Variants in MALRD1 observed in about 807,000 individuals in gnomAD.
MALRD1 encodes the protein MAM and LDL receptor class A domain containing 1.
MALRD1 carries 247 observed loss-of-function variants against 242.1 expected under a neutral mutation model. The observed-to-expected ratio is 1.02, with a 90% CI of 0.92 to 1.13. The LOEUF (loss-of-function observed/expected upper bound fraction) is 1.13. MALRD1 is among the 50% of genes most tolerant of loss of function. The probability of loss-of-function intolerance (pLI) is 0.00; values close to 1 mark genes in which losing one functional copy is unlikely to be tolerated. For missense variants in MALRD1, 2,989 were observed against 2,533.1 expected, an observed-to-expected ratio of 1.18 and a Z score of -3.86; for synonymous variants, 995 against 866.6, an observed-to-expected ratio of 1.15 and a Z score of -2.60.
Position 19,694,985 on chromosome 10 carries a change from C to T in MALRD1, c.6314+2431C>T, listed in dbSNP as rs147036613. ...ACTACCACAAGGACAAAAAACCAAA[C>T]ACCACATGTTCTCACTCACAGGTGG... On this transcript the variant is annotated intron_variant, in intron 38 of 39. Transcript: ENST00000454679. Among the ~76,000 whole-genome samples, 385 of 152,266 alleles carry T rather than the reference C, an allele frequency of 2.5e-3. 6 individuals are homozygous for T. In the East Asian group the frequency reaches 0.055, roughly 22 times the overall value.
chr10:19,113,990 T>C (rs1273821471), intron 5 of MALRD1, among the ~76,000 whole-genome samples: 1 of 152,204 alleles, frequency 6.6e-6, no homozygotes. Flanking sequence ...ACAAAGAACA[T>C]GTGCAGTTAT....
chr10:19,549,693 A>G (rs1278606573), intron 32 of MALRD1, among the ~76,000 whole-genome samples: 3 of 152,228 alleles, frequency 2.0e-5, no homozygotes, highest in Non-Finnish European at 4.4e-5. Context: ...GACTCATGTT[A>G]TTGCAATATT....
At chr10:19,414,575 T>G (rs1833427524) in intron 28 of MALRD1, among the ~76,000 whole-genome samples, 1 of 152,196 alleles carries the variant, frequency 6.6e-6, no homozygotes, top group South Asian at 2.1e-4. Context: ...ATTGTACAGC[T>G]GTGTCCAGAA....
At chr10:19,270,214 G>A (rs896270617) in intron 19 of MALRD1, among the ~76,000 whole-genome samples, 1 of 152,060 alleles carries the variant, frequency 6.6e-6, no homozygotes, top group Admixed American at 6.5e-5. Context: ...TACTCAGGAC[G>A]CTGAGGCACA....
At chr10:19,213,065 A>G (rs2245456) in intron 18 of MALRD1, among the ~76,000 whole-genome samples, 111,836 of 152,002 alleles carry the variant, frequency 0.74, 41,400 homozygotes, top group South Asian at 0.84. Flanking sequence ...ATTCTTTTGA[A>G]GAGCAGATTC....
intron 18 of MALRD1, among the ~76,000 whole-genome samples, chr10:19,221,326 A>G (rs1837548011): frequency 2.0e-5 from 3 of 152,166 alleles, no homozygotes; most frequent in Non-Finnish European, 4.4e-5. Context: ...TATAAATTAC[A>G]TATACAACTT....
chr10:19,662,529 G>A (rs1004793060), intron 36 of MALRD1, among the ~76,000 whole-genome samples: 5 of 152,050 alleles, frequency 3.3e-5, no homozygotes, highest in African/African-American at 7.2e-5. Context: ...CTCTTAAAAC[G>A]TTATGTATTT....
chr10:19,110,605 G>A (rs570713665), intron 5 of MALRD1, among the ~76,000 whole-genome samples: 1 of 152,228 alleles, frequency 6.6e-6, no homozygotes, highest in African/African-American at 2.4e-5. Flanking sequence ...ATGGCTAACT[G>A]AAGGCAATGC....
chr10:19,495,523 A>C (rs1052593527), intron 30 of MALRD1, among the ~76,000 whole-genome samples: 7 of 152,158 alleles, frequency 4.6e-5, no homozygotes, highest in Admixed American at 3.3e-4. Flanking sequence ...TGAAGGAGAA[A>C]TAACATCCTT....
intron 36 of MALRD1, among the ~76,000 whole-genome samples, chr10:19,663,673 C>T (rs1841543816): frequency 6.6e-6 from 1 of 152,078 alleles, no homozygotes; most frequent in African/African-American, 2.4e-5. Context: ...CACTCAGCTT[C>T]CACAGAGCTC....
Position 19,124,666 on chromosome 10 carries a change from TGAAGGTA to T in MALRD1, c.943_943+6del. ...CTCAGCAGGATCAAGGAGGTGATGA[TGAAGGTA>T]GAAAAAAAAATAATATCTTTTATGT... On this transcript the variant is annotated splice_donor_variant and splice_donor_region_variant and coding_sequence_variant and intron_variant, in exon 7 of 40. Transcript: ENST00000454679. LOFTEE classifies it high-confidence loss of function. 1 of 1,233,632 alleles carries T rather than the reference TGAAGGTA, an allele frequency of 8.1e-7. No individual in the cohort carries two copies. The highest frequency in any genetic ancestry group is 1.5e-5 in the African/African-American group (1 of 64,520). 76.4% of individuals were successfully genotyped at this position (1,233,632 alleles called of 1,614,324 possible). A position where few individuals can be genotyped will look rare whatever the true frequency, so the allele number is the denominator to read the frequency against.
chr10:19,547,648 G>A (rs117344421), intron 32 of MALRD1, among the ~76,000 whole-genome samples: 1 of 149,660 alleles, frequency 6.7e-6, no homozygotes. Flanking sequence ...ATGTGTAATA[G>A]CAATAGTAAT....
intron 31 of MALRD1, among the ~76,000 whole-genome samples, chr10:19,522,650 A>G (rs1833933390): frequency 6.6e-6 from 1 of 152,172 alleles, no homozygotes; most frequent in South Asian, 2.1e-4. Context: ...TATGATCTAC[A>G]TCAATATTTG....
chr10:19,064,769 CAAAAAAAAA>C lies in MALRD1; in HGVS notation c.200-1936_200-1928del, dbSNP rs147678284. Reference sequence around the variant, plus strand: ...TGGGCGACAGAAAGAAACTCTGTCTCAAAAAAAAAAAAAAAAAAAAAATTGAGAGGTGAG... The same window carrying C: ...TGGGCGACAGAAAGAAACTCTGTCTCAAAAAAAAAAAAATTGAGAGGTGAG... On this transcript the variant is annotated intron_variant, in intron 1 of 39. Coordinates refer to ENST00000454679, the MANE Select transcript of MALRD1 (RefSeq NM_001142308.3). Among the ~76,000 whole-genome samples the C allele has an allele frequency of 7.0e-4, 44 of 63,186 alleles. 1 individual carries two copies. Among genetic ancestry groups the C allele is most frequent in the African/African-American group, 2.0e-3 (39 of 19,946 alleles). 41.5% of individuals were successfully genotyped at this position (63,186 alleles called of 152,430 possible).
At chr10:19,646,147 T>C (rs536383262) in intron 36 of MALRD1, among the ~76,000 whole-genome samples, 1 of 152,320 alleles carries the variant, frequency 6.6e-6, no homozygotes, top group Admixed American at 6.5e-5. Flanking sequence ...TCTCTGAGAC[T>C]ACCCAAAGGT....
intron 14 of MALRD1, among the ~76,000 whole-genome samples, chr10:19,188,330 C>CTT (rs1414342867): frequency 1.3e-5 from 2 of 152,066 alleles, no homozygotes; most frequent in Non-Finnish European, 2.9e-5. Context: ...AGGATTTGGA[C>CTT]TTGTGTTGGG....
chr10:19,077,160 C>T (rs1835343547), intron 2 of MALRD1, among the ~76,000 whole-genome samples: 1 of 151,610 alleles, frequency 6.6e-6, no homozygotes, highest in Admixed American at 6.6e-5. Flanking sequence ...ATATACTTAC[C>T]AACTTTTACT....
chr10:19,077,687 A>G (rs1399512896), intron 2 of MALRD1, among the ~76,000 whole-genome samples: 2 of 151,940 alleles, frequency 1.3e-5, no homozygotes, highest in Non-Finnish European at 2.9e-5. Context: ...AGTATACTTA[A>G]TAGGTATTGT....
At chr10:19,243,490 T>G (rs902190166) in intron 18 of MALRD1, among the ~76,000 whole-genome samples, 3 of 152,146 alleles carry the variant, frequency 2.0e-5, no homozygotes, top group Non-Finnish European at 2.9e-5. Context: ...CAGTAGTAAT[T>G]GAAGCAGAAT....
Sources: allele counts gnomAD v4.1 joint callset (sites outside exome capture counted in the v4.1 genomes callset), GRCh38; gene constraint gnomAD v4.1.1; transcripts MANE v1.5; gene names NCBI Gene and HGNC (gene_info 2026-07-23, HGNC 2026-07-21).